Variants in NKAIN3 observed in about 807,000 individuals in gnomAD.
NKAIN3 encodes sodium/potassium-transporting ATPase subunit beta-1-interacting protein 3.
In NKAIN3, 25 loss-of-function variants were observed where a neutral mutation model predicts 30.2. The ratio of observed to expected loss-of-function variants is 0.83; its 90% CI spans 0.60 to 1.16. The LOEUF (loss-of-function observed/expected upper bound fraction) is 1.16, where lower values mean the gene tolerates loss of function less well. NKAIN3 is among the 50% of genes most tolerant of loss of function. The pLI is 0.00. For synonymous variants in NKAIN3, 91 were observed against 89.6 expected (o/e 1.02, Z -0.09); for missense variants, 225 against 254.1 (o/e 0.89, Z 0.78).
At position 62,793,198 on chromosome 8, in the gene NKAIN3, G is replaced by GA. The variant is rs879403679; in HGVS notation, c.471+46079dup. Among the ~76,000 whole-genome samples, 535 of 146,298 alleles carry GA rather than the reference G, an allele frequency of 3.7e-3. 1 individual carries two copies. Among genetic ancestry groups the GA allele is most frequent in the Non-Finnish European group, 4.1e-3 (274 of 66,116 alleles). ...CAGGTAGTGGGTGGTTTTACCAAGG[G>GA]AAAAAAAAAAGCACTCCCAAAAGTC... On this transcript the variant is annotated intron_variant, in intron 4 of 6. Coordinates refer to ENST00000623646, the MANE Select transcript of NKAIN3 (RefSeq NM_001304533.3).
At chr8:62,514,957 A>C (rs543995863) in intron 1 of NKAIN3, among the ~76,000 whole-genome samples, 2 of 152,112 alleles carry the variant, frequency 1.3e-5, no homozygotes, top group Non-Finnish European at 2.9e-5. Context: ...GTGATATGTG[A>C]TTAAGTATTG....
chr8:62,836,009 A>T (rs529478399), intron 4 of NKAIN3, among the ~76,000 whole-genome samples: 1 of 152,218 alleles, frequency 6.6e-6, no homozygotes, highest in South Asian at 2.1e-4. Context: ...GCAGGCATTA[A>T]AAAAAAGCAC....
intron 1 of NKAIN3, among the ~76,000 whole-genome samples, chr8:62,256,540 C>A (rs1313598610): frequency 6.6e-6 from 1 of 152,186 alleles, no homozygotes; most frequent in African/African-American, 2.4e-5. Context: ...GGGCTGTGGT[C>A]TGTTATCAGA....
At chr8:62,635,227 A>G (rs1563493633) in intron 3 of NKAIN3, among the ~76,000 whole-genome samples, 1 of 152,178 alleles carries the variant, frequency 6.6e-6, no homozygotes, top group African/African-American at 2.4e-5. Context: ...AAATGCTCTA[A>G]ATACATGCCT....
chr8:62,554,630 G>A (rs1162522641), intron 1 of NKAIN3, among the ~76,000 whole-genome samples: 8 of 152,002 alleles, frequency 5.3e-5, no homozygotes, highest in African/African-American at 1.5e-4. Context: ...AATGGTACTA[G>A]GCTATTGGTA....
At chr8:62,663,445 G>A (rs1055626454) in intron 3 of NKAIN3, among the ~76,000 whole-genome samples, 9 of 152,188 alleles carry the variant, frequency 5.9e-5, no homozygotes, top group African/African-American at 1.9e-4. Flanking sequence ...AGGTTCGATT[G>A]ACAATATAGG....
At chr8:62,961,392 T>C (rs964272956) in intron 6 of NKAIN3, among the ~76,000 whole-genome samples, 4 of 152,142 alleles carry the variant, frequency 2.6e-5, no homozygotes, top group African/African-American at 9.7e-5. Flanking sequence ...AGCCTGACCT[T>C]GGACTGATAC....
chr8:62,419,574 TGTACATTCA>T (rs1300173767), intron 1 of NKAIN3, among the ~76,000 whole-genome samples: 1 of 152,204 alleles, frequency 6.6e-6, no homozygotes, highest in African/African-American at 2.4e-5. Context: ...GCTAATAGGT[TGTACATTCA>T]GTAGTGACAA....
At chr8:62,737,087 G>T (rs1815698480) in intron 3 of NKAIN3, among the ~76,000 whole-genome samples, 1 of 152,178 alleles carries the variant, frequency 6.6e-6, no homozygotes, top group Admixed American at 6.5e-5. Context: ...TTCCACCAAA[G>T]GGTCTGTGGA....
At chr8:62,345,176 CATTT>C (rs1410307425) in intron 1 of NKAIN3, among the ~76,000 whole-genome samples, 2 of 151,380 alleles carry the variant, frequency 1.3e-5, no homozygotes, top group Admixed American at 6.6e-5. Flanking sequence ...AACTTTACCA[CATTT>C]ATTTATTAAT....
intron 1 of NKAIN3, among the ~76,000 whole-genome samples, chr8:62,344,579 A>G (rs926650398): frequency 2.0e-5 from 3 of 152,122 alleles, no homozygotes; most frequent in East Asian, 1.9e-4. Context: ...GTAGAAAAGC[A>G]TACTACAACA....
intron 1 of NKAIN3, among the ~76,000 whole-genome samples, chr8:62,501,669 C>T (rs1807454643): frequency 6.6e-6 from 1 of 152,158 alleles, no homozygotes; most frequent in East Asian, 1.9e-4. Context: ...AAACAGCCTG[C>T]AATCTTCACA....
At chr8:62,710,841 G>A (rs1386177769) in intron 3 of NKAIN3, among the ~76,000 whole-genome samples, 1 of 152,016 alleles carries the variant, frequency 6.6e-6, no homozygotes, top group Non-Finnish European at 1.5e-5. Context: ...GGTCCTGTGT[G>A]ATTTATGCTT....
intron 1 of NKAIN3, among the ~76,000 whole-genome samples, chr8:62,546,986 T>G (rs957038924): frequency 6.6e-6 from 1 of 152,130 alleles, no homozygotes; most frequent in Non-Finnish European, 1.5e-5. Flanking sequence ...TGTGGAGACC[T>G]GGTGCAGCTG....
intron 4 of NKAIN3, among the ~76,000 whole-genome samples, chr8:62,772,833 G>GT (rs1817064547): frequency 6.6e-6 from 1 of 151,902 alleles, no homozygotes; most frequent in South Asian, 2.1e-4. Context: ...ACTAATTTTT[G>GT]TATTTTTAGT....
chr8:62,998,988 C>G (rs909007842), intron 5 of NKAIN3, among the ~76,000 whole-genome samples: 19 of 152,186 alleles, frequency 1.2e-4, no homozygotes, highest in Non-Finnish European at 2.4e-4. Context: ...AGCAGTTTTT[C>G]ATGAACCTGT....
intron 1 of NKAIN3, among the ~76,000 whole-genome samples, chr8:62,386,872 G>A (rs924762471): frequency 9.3e-5 from 14 of 151,184 alleles, no homozygotes; most frequent in African/African-American, 3.4e-4. Flanking sequence ...TTATTGTGAG[G>A]ACCCAGTGAA....
chr8:62,521,553 C>G (rs1808159684), intron 1 of NKAIN3, among the ~76,000 whole-genome samples: 1 of 152,120 alleles, frequency 6.6e-6, no homozygotes, highest in Non-Finnish European at 1.5e-5. Context: ...AGATCAAGGA[C>G]ACATTCACAT....
Position 62,848,466 on chromosome 8 carries a change from A to G in NKAIN3, c.472-69987A>G, listed in dbSNP as rs183798565. ...GGAGTTCATTTGTGATTTGGCTCTC[A>G]GCTTGACTGTTGTTGGTGTATAGGA... On this transcript the variant is annotated intron_variant, in intron 4 of 6. Transcript: ENST00000623646. Among the ~76,000 whole-genome samples, 269 of 152,166 alleles carry G rather than the reference A, an allele frequency of 1.8e-3. 1 individual carries two copies. In the Middle Eastern group the frequency reaches 0.02, roughly 12 times the overall value.
Sources: gnomAD v4.1 joint callset for allele counts (sites outside exome capture counted in the v4.1 genomes callset) on GRCh38, gnomAD v4.1.1 for gene constraint, MANE v1.5 for transcripts, NCBI Gene and HGNC (gene_info 2026-07-23, HGNC 2026-07-21) for gene names.